CTNNA3: variants seen among roughly 807,000 people sequenced by gnomAD.
CTNNA3 encodes catenin alpha-3.
A neutral mutation model predicts 95.7 loss-of-function variants in CTNNA3; 76 were observed. The observed-to-expected ratio is 0.79, with a 90% CI of 0.66 to 0.96. CTNNA3 has a LOEUF of 0.96. Ranked by LOEUF, CTNNA3 falls within the 40% of genes least tolerant of loss-of-function variation. The pLI is 0.00. For synonymous variants in CTNNA3, 431 were observed against 374.4 expected (o/e 1.15, Z -1.74); for missense variants, 1,191 against 1,089.8 (o/e 1.09, Z -1.31).
At chr10:67,597,758 G>A (rs1001995361) in intron 3 of CTNNA3, among the ~76,000 whole-genome samples, 10 of 152,284 alleles carry the variant, frequency 6.6e-5, no homozygotes, top group East Asian at 3.9e-4. Context: ...GTGGTAGGGC[G>A]GTGGGGGCTG....
intron 14 of CTNNA3, chr10:66,079,051 A>G (rs1445037213): frequency 6.6e-6 from 1 of 151,970 alleles, no homozygotes; most frequent in Admixed American, 6.6e-5. Context: ...AAAGAGACAG[A>G]CTACTCAGTC....
intron 1 of CTNNA3, among the ~76,000 whole-genome samples, chr10:67,669,211 C>G (rs1589553742): frequency 6.6e-6 from 1 of 152,110 alleles, no homozygotes; most frequent in East Asian, 1.9e-4. Context: ...AGTGCAAGCT[C>G]GGACTCTGAC....
At chr10:67,065,032 C>CTA (rs1218503253) in intron 7 of CTNNA3, among the ~76,000 whole-genome samples, 1 of 152,102 alleles carries the variant, frequency 6.6e-6, no homozygotes, top group Non-Finnish European at 1.5e-5. Context: ...ACTTATGGTC[C>CTA]TACATAGCAA....
chr10:67,091,182 CAA>C lies in CTNNA3; in HGVS notation c.1047+89133_1047+89134del, dbSNP rs1225697023. Among the ~76,000 whole-genome samples the C allele has an allele frequency of 2.0e-5, 3 of 151,806 alleles. No homozygotes were observed. In the East Asian group the frequency reaches 5.8e-4, roughly 29 times the overall value. On this transcript the variant is annotated intron_variant, in intron 7 of 17. Transcript: ENST00000433211. Reference sequence around the variant, plus strand: ...ACACATCAAATTGCGCATACCTTAGCAAAACCCAAAGCTAGTTATGAAAATCA... The same window carrying C: ...ACACATCAAATTGCGCATACCTTAGCAACCCAAAGCTAGTTATGAAAATCA...
intron 2 of CTNNA3, 45 bp downstream of exon 2, chr10:67,647,369 AT>A: frequency 7.7e-7 from 1 of 1,297,912 alleles, no homozygotes; most frequent in South Asian, 1.4e-5. Flanking sequence ...CATATTTTTC[AT>A]TCTTCTGCAG....
intron 1 of CTNNA3, among the ~76,000 whole-genome samples, chr10:67,653,299 A>G (rs1839929328): frequency 6.6e-6 from 1 of 152,164 alleles, no homozygotes; most frequent in African/African-American, 2.4e-5. Context: ...ATCCGCCCCC[A>G]AAGTCCAATC....
chr10:66,566,274 C>T (rs991746304), intron 10 of CTNNA3, among the ~76,000 whole-genome samples: 15 of 152,130 alleles, frequency 9.9e-5, no homozygotes, highest in African/African-American at 3.6e-4. Flanking sequence ...TGCACATATT[C>T]AAATGCCCAG....
In CTNNA3 at chr10:66,591,851, T is replaced by A. The variant is rs147831717; in HGVS notation, c.1374+29841A>T. Among the ~76,000 whole-genome samples the A allele has an allele frequency of 7.2e-3, 1,102 of 152,142 alleles. 19 individuals carry two copies. The highest frequency in any genetic ancestry group is 0.025 in the African/African-American group (1,023 of 41,506). On this transcript the variant is annotated intron_variant, in intron 10 of 17. Transcript: ENST00000433211. ...GTTAATAATACACAGGAAAAAAATCTTTTTCTTGATCTGAACACTATATTT... is the reference window on the plus strand; with the variant it reads ...GTTAATAATACACAGGAAAAAAATCATTTTCTTGATCTGAACACTATATTT...
intron 12 of CTNNA3, among the ~76,000 whole-genome samples, chr10:66,318,588 T>C (rs1322576636): frequency 6.6e-6 from 1 of 152,020 alleles, no homozygotes; most frequent in Non-Finnish European, 1.5e-5. Context: ...CCAAAATCCA[T>C]GCCCTCTAAG....
At chr10:65,948,104 C>T (rs542554547) in intron 17 of CTNNA3, among the ~76,000 whole-genome samples, 5 of 152,122 alleles carry the variant, frequency 3.3e-5, no homozygotes, top group Admixed American at 2.6e-4. Context: ...GGTGAAACCC[C>T]GTCTCTACTA....
intron 13 of CTNNA3, among the ~76,000 whole-genome samples, chr10:66,202,890 G>A (rs982964014): frequency 5.3e-5 from 8 of 152,132 alleles, no homozygotes; most frequent in Non-Finnish European, 1.0e-4. Context: ...TGTACTAAAT[G>A]TATATTAGTT....
At chr10:65,975,158 A>C (rs2078186614) in intron 16 of CTNNA3, among the ~76,000 whole-genome samples, 1 of 152,178 alleles carries the variant, frequency 6.6e-6, no homozygotes, top group African/African-American at 2.4e-5. Context: ...GGTAGCAAAG[A>C]ATTCAACTCT....
chr10:66,048,934 C>T (rs2079891755), intron 15 of CTNNA3, among the ~76,000 whole-genome samples: 1 of 151,794 alleles, frequency 6.6e-6, no homozygotes, highest in African/African-American at 2.4e-5. Context: ...CAAAAATTGA[C>T]AAGTGGGAAC....
intron 11 of CTNNA3, among the ~76,000 whole-genome samples, chr10:66,448,662 C>T (rs1012799279): frequency 6.9e-6 from 1 of 144,514 alleles, no homozygotes; most frequent in Admixed American, 7.2e-5. Context: ...GAACATCACA[C>T]TTCAAGGACT....
intron 3 of CTNNA3, among the ~76,000 whole-genome samples, chr10:67,591,956 T>C (rs372458486): frequency 6.6e-6 from 1 of 152,250 alleles, no homozygotes; most frequent in African/African-American, 2.4e-5. Context: ...AAACCCAACC[T>C]TCAAGCAAAG....
At chr10:66,872,018 C>T (rs1844428561) in intron 7 of CTNNA3, among the ~76,000 whole-genome samples, 1 of 152,126 alleles carries the variant, frequency 6.6e-6, no homozygotes, top group South Asian at 2.1e-4. Context: ...TCTATTGAAA[C>T]ACTATCAGCC....
At chr10:66,536,876 CTCT>C (rs745930236) in intron 10 of CTNNA3, among the ~76,000 whole-genome samples, 33 of 152,138 alleles carry the variant, frequency 2.2e-4, no homozygotes, top group Non-Finnish European at 4.9e-4. Context: ...CAAACTCTCT[CTCT>C]TCTATTATAC....
chr10:67,176,218 G>T lies in CTNNA3; in HGVS notation c.1047+4099C>A, dbSNP rs151048197. ...GATATTTACATTGATTTCCAGAAGA[G>T]ATTTAATGCTTTGCAAAATAAGACC... On this transcript the variant is annotated intron_variant, in intron 7 of 17. Coordinates refer to ENST00000433211, the MANE Select transcript of CTNNA3 (RefSeq NM_013266.4). Among the ~76,000 whole-genome samples the T allele has an allele frequency of 1.8e-4, 28 of 152,216 alleles. No individual in the cohort carries two copies. In the East Asian group the frequency reaches 5.4e-3, roughly 29 times the overall value.
At chr10:66,183,683 C>T (rs1368263309) in intron 13 of CTNNA3, among the ~76,000 whole-genome samples, 1 of 152,170 alleles carries the variant, frequency 6.6e-6, no homozygotes, top group Non-Finnish European at 1.5e-5. Flanking sequence ...AGAGTTTTTA[C>T]CTAAATGTTG....
Sources: gnomAD v4.1 joint callset for allele counts (sites outside exome capture counted in the v4.1 genomes callset) on GRCh38, gnomAD v4.1.1 for gene constraint, MANE v1.5 for transcripts, NCBI Gene and HGNC (gene_info 2026-07-23, HGNC 2026-07-21) for gene names.